IRAK1BP1: variants seen among roughly 807,000 people sequenced by gnomAD.
The protein encoded by IRAK1BP1 is interleukin 1 receptor associated kinase 1 binding protein 1.
A neutral mutation model predicts 28.0 loss-of-function variants in IRAK1BP1; 24 were observed. The ratio of observed to expected loss-of-function variants is 0.86; its 90% CI spans 0.62 to 1.20. The LOEUF is 1.20. Ranked by LOEUF, IRAK1BP1 falls within the 50% of genes most tolerant of loss-of-function variation. The pLI, the probability that IRAK1BP1 is intolerant of heterozygous loss-of-function variation, is 0.00. For synonymous variants in IRAK1BP1, 131 were observed against 116.3 expected (o/e 1.13, Z -0.81); for missense variants, 336 against 316.7 (o/e 1.06, Z -0.46).
chr6:78,919,712 T>A (rs9448596), intron 4 of IRAK1BP1, among the ~76,000 whole-genome samples: 1 of 151,710 alleles, frequency 6.6e-6, no homozygotes, highest in African/African-American at 2.4e-5. Flanking sequence ...AAATTACCAA[T>A]CAAAGAACTC....
chr6:78,889,973 A>G (rs1412799418), intron 2 of IRAK1BP1, among the ~76,000 whole-genome samples: 1 of 152,218 alleles, frequency 6.6e-6, no homozygotes, highest in African/African-American at 2.4e-5. Context: ...ATGTAGACGT[A>G]CATTTATTGC....
chr6:78,873,138 T>C (rs932215269), intron 1 of IRAK1BP1, among the ~76,000 whole-genome samples: 1 of 149,824 alleles, frequency 6.7e-6, no homozygotes, highest in African/African-American at 2.5e-5. Context: ...CGCCTGTGTC[T>C]CAGCTACTCC....
Position 78,899,394 on chromosome 6 carries a change from A to T in IRAK1BP1, c.*1060A>T, listed in dbSNP as rs1182258351. 1 of 152,220 alleles carries T rather than the reference A, an allele frequency of 6.6e-6. No homozygotes were observed. The highest frequency in any genetic ancestry group is 1.5e-5 in the Non-Finnish European group (1 of 68,042). 9.4% of individuals were successfully genotyped at this position (152,220 alleles called of 1,614,324 possible). ...CCAACCTTAACAACTTCACAACATG[A>T]ATAGAAATAGTGATAAATAATTCAT... On this transcript the variant is annotated 3_prime_UTR_variant, in exon 4 of 4. Coordinates refer to ENST00000369940, the MANE Select transcript of IRAK1BP1 (RefSeq NM_001010844.4).
At chr6:78,921,738 C>A (rs147165567) in intron 4 of IRAK1BP1, among the ~76,000 whole-genome samples, 1 of 152,302 alleles carries the variant, frequency 6.6e-6, no homozygotes, top group African/African-American at 2.4e-5. Context: ...TCCAGAGGAA[C>A]GATCAGGCAG....
intron 2 of IRAK1BP1, among the ~76,000 whole-genome samples, chr6:78,893,171 G>A (rs1562085594): frequency 6.6e-6 from 1 of 151,262 alleles, no homozygotes; most frequent in African/African-American, 2.4e-5. Flanking sequence ...GGAGAAAAAA[G>A]ACATATTATC....
At chr6:78,924,295 G>A (rs934628365) in intron 4 of IRAK1BP1, among the ~76,000 whole-genome samples, 22 of 152,106 alleles carry the variant, frequency 1.4e-4, no homozygotes, top group African/African-American at 2.9e-4. Context: ...ACACCTCTAC[G>A]CAAATAAACT....
intron 4 of IRAK1BP1, chr6:78,939,348 T>C (rs758095000): frequency 1.3e-5 from 2 of 151,718 alleles, no homozygotes; most frequent in Non-Finnish European, 3.0e-5. Flanking sequence ...CATACCAGCA[T>C]GATAAGGATA....
chr6:78,875,451 T>G (rs1055114496), intron 1 of IRAK1BP1, among the ~76,000 whole-genome samples: 2 of 152,150 alleles, frequency 1.3e-5, no homozygotes, highest in African/African-American at 2.4e-5. Flanking sequence ...TGCAGCACTA[T>G]TCACAATAGC....
intron 1 of IRAK1BP1, among the ~76,000 whole-genome samples, chr6:78,880,974 T>G (rs1562078895): frequency 6.6e-6 from 1 of 152,180 alleles, no homozygotes; most frequent in Non-Finnish European, 1.5e-5. Context: ...TTATAGTTTC[T>G]TATAAGTTAA....
rs147617289 is a variant in IRAK1BP1 at position 78,871,686 on chromosome 6, G to C, written c.315+3795G>C. 4 of 257,370 alleles carry C rather than the reference G, an allele frequency of 1.6e-5. No homozygotes were observed. In the East Asian group the frequency reaches 6.5e-4, roughly 42 times the overall value. 15.9% of individuals were successfully genotyped at this position (257,370 alleles called of 1,614,324 possible). ...GCTGTTTATAGATGAGAACTCCAAGGACCAGAGTGATTATTGGCAGGTTGC... is the reference window on the plus strand; with the variant it reads ...GCTGTTTATAGATGAGAACTCCAAGCACCAGAGTGATTATTGGCAGGTTGC... On this transcript the variant is annotated intron_variant, in intron 1 of 3. Coordinates refer to ENST00000369940, the MANE Select transcript of IRAK1BP1 (RefSeq NM_001010844.4).
chr6:78,979,401 C>T, the IRAK1BP1 span, among the ~76,000 whole-genome samples: 1 of 152,120 alleles, frequency 6.6e-6, no homozygotes, highest in East Asian at 1.9e-4. Flanking sequence ...ATAAACATTC[C>T]ATATAACAAA....
the IRAK1BP1 span, chr6:78,956,847 C>T: frequency 6.6e-6 from 1 of 152,036 alleles, no homozygotes; most frequent in African/African-American, 2.4e-5. Context: ...TCTCTTACTA[C>T]TTGTCACAGT....
At chr6:78,886,295 G>A (rs1302938363) in intron 2 of IRAK1BP1, among the ~76,000 whole-genome samples, 1 of 152,106 alleles carries the variant, frequency 6.6e-6, no homozygotes, top group African/African-American at 2.4e-5. Context: ...ATAGAAATTA[G>A]AACCCTGGAT....
intron 2 of IRAK1BP1, among the ~76,000 whole-genome samples, chr6:78,890,201 A>G (rs1771591709): frequency 6.6e-6 from 1 of 151,776 alleles, no homozygotes; most frequent in East Asian, 1.9e-4. Context: ...GTTCTCAATC[A>G]TAAGTGGGAG....
exon 5 of IRAK1BP1, chr6:78,945,830 A>C (rs1434368859): frequency 1.6e-6 from 1 of 624,146 alleles, no homozygotes; most frequent in Non-Finnish European, 2.8e-6. Flanking sequence ...CTAAACCTCA[A>C]TTTAATTCTT....
chr6:78,966,154 T>C, the IRAK1BP1 span: 1 of 739,768 alleles, frequency 1.4e-6, no homozygotes, highest in Non-Finnish European at 2.4e-6. Flanking sequence ...ACTGCCTGTA[T>C]GATTTCAGAA....
intron 4 of IRAK1BP1, among the ~76,000 whole-genome samples, chr6:78,932,984 T>G (rs551081806): frequency 2.1e-4 from 32 of 152,316 alleles, no homozygotes; most frequent in African/African-American, 7.2e-4. Context: ...ACAGATGGGC[T>G]GTCATGCAGG....
rs35416532 is a variant in IRAK1BP1, at chr6:78,933,668, C to CTT, written c.*68-11723_*68-11722dup. Among the ~76,000 whole-genome samples the CTT allele has an allele frequency of 5.5e-3, 750 of 136,600 alleles. 3 individuals are homozygous for CTT. Among genetic ancestry groups the CTT allele is most frequent in the African/African-American group, 0.012 (445 of 36,728 alleles). The allele number at this position is 136,600 out of a possible 152,430, so 89.6% of individuals were successfully genotyped here. A position where few individuals can be genotyped will look rare whatever the true frequency, so the allele number is the denominator to read the frequency against. On this transcript the variant is annotated intron_variant and NMD_transcript_variant, in intron 4 of 4. Coordinates refer to the IRAK1BP1 transcript ENST00000606868. ...TGAACCAACCTCTGCTAGCTTCCAA[C>CTT]TTTTTTTTTTTTTTTTTTGGCAGCT...
intron 2 of IRAK1BP1, among the ~76,000 whole-genome samples, chr6:78,887,920 AT>A (rs1159035053): frequency 6.6e-6 from 1 of 152,218 alleles, no homozygotes; most frequent in Non-Finnish European, 1.5e-5. Context: ...TCATTGCAGC[AT>A]TATTCACAAT....
Sources: gnomAD v4.1 joint callset for allele counts (sites outside exome capture counted in the v4.1 genomes callset) on GRCh38, gnomAD v4.1.1 for gene constraint, MANE v1.5 for transcripts, NCBI Gene and HGNC (gene_info 2026-07-23, HGNC 2026-07-21) for gene names.